OLA1: variants seen among roughly 807,000 people sequenced by gnomAD.
OLA1 encodes the protein Obg like ATPase 1.
OLA1 carries 14 observed loss-of-function variants against 48.4 expected under a neutral mutation model. The observed-to-expected ratio is 0.29, with a 90% CI of 0.19 to 0.45. OLA1 has a LOEUF of 0.45. Ranked by LOEUF, OLA1 falls within the 20% of genes least tolerant of loss-of-function variation. The probability of loss-of-function intolerance (pLI) is 1.00; values close to 1 mark genes in which losing one functional copy is unlikely to be tolerated. For missense variants in OLA1, 325 were observed against 467.1 expected (o/e 0.70, Z 2.80); for synonymous variants, 127 against 150.4 (o/e 0.84, Z 1.14).
chr2:174,082,057 T>G lies in OLA1; in HGVS notation c.736A>C (p.Lys246Gln). ...TACTTGTCCACCCACTCTTTAATTT[T>G]TATCAACCTGTAGACAAAAAAGGGC... ...YIRKKNKWLIKIKEWVDKYDP... is the reference protein window; with the variant it reads ...YIRKKNKWLIQIKEWVDKYDP... The change falls in exon 8 of 11, where the codon AAA becomes CAA. Residue 246 changes from lysine (K) to glutamine (Q), a missense_variant. Lys to Gln is a moderately conservative substitution (Grantham distance 53). Coordinates refer to ENST00000284719, the MANE Select transcript of OLA1 (RefSeq NM_013341.5). 1 of 1,613,236 alleles carries G rather than the reference T, an allele frequency of 6.2e-7. No individual in the cohort carries two copies. Among genetic ancestry groups the G allele is most frequent in the Non-Finnish European group, 8.5e-7 (1 of 1,179,270 alleles).
At chr2:174,220,746 T>A (rs1388621188) in intron 4 of OLA1, among the ~76,000 whole-genome samples, 17 of 152,158 alleles carry the variant, frequency 1.1e-4, no homozygotes, top group Admixed American at 1.1e-3. Flanking sequence ...CCAAGGGAAG[T>A]AAACAAGGTG....
chr2:174,193,543 G>A (rs777219518), intron 4 of OLA1, among the ~76,000 whole-genome samples: 13 of 152,070 alleles, frequency 8.5e-5, no homozygotes, highest in Non-Finnish European at 1.8e-4. Context: ...CCTAAAATGG[G>A]GCAAGACTTT....
intron 3 of OLA1, among the ~76,000 whole-genome samples, chr2:174,223,637 A>G (rs967535809): frequency 2.0e-5 from 3 of 152,126 alleles, no homozygotes; most frequent in African/African-American, 7.2e-5. Context: ...CTTTACAGAT[A>G]AGGAAATTAT....
At chr2:174,092,839 C>T (rs1685160147) in intron 7 of OLA1, among the ~76,000 whole-genome samples, 2 of 152,070 alleles carry the variant, frequency 1.3e-5, no homozygotes, top group Admixed American at 6.6e-5. Flanking sequence ...TATCTGATTG[C>T]TATAAGGCTA....
intron 4 of OLA1, among the ~76,000 whole-genome samples, chr2:174,159,804 T>C (rs1284063126): frequency 1.9e-5 from 2 of 105,788 alleles, no homozygotes; most frequent in Non-Finnish European, 3.8e-5. Context: ...TGACTAATGT[T>C]GGAACACCAG....
At chr2:174,118,096 G>A (rs1437180781) in intron 7 of OLA1, among the ~76,000 whole-genome samples, 1 of 152,102 alleles carries the variant, frequency 6.6e-6, no homozygotes. Context: ...AAAGGTGTAG[G>A]TGCTACACAC....
chr2:174,123,169 G>A lies in OLA1; in HGVS notation c.728+11C>T. ...GATGCATCTGGGTATATCTGGTGAG[G>A]AAAAACTTACCATTTGTTTTTCTTT... On this transcript the variant is annotated intron_variant, in intron 7 of 10. Transcript: ENST00000284719. The A allele has an allele frequency of 7.3e-7, 1 of 1,365,326 alleles. No homozygotes were observed. Among genetic ancestry groups the A allele is most frequent in the South Asian group, 1.2e-5 (1 of 83,986 alleles). The allele number at this position is 1,365,326 out of a possible 1,614,324, so 84.6% of individuals were successfully genotyped here. A position where few individuals can be genotyped will look rare whatever the true frequency, so the allele number is the denominator to read the frequency against.
In OLA1 at chr2:174,185,142, T is replaced by C. The variant is rs532875882; in HGVS notation, c.373+37891A>G. ...ATGGCTCTGCTCTTCACTAAGGCAC[T>C]GTCATCATCTGAATGGTCTGAGTAC... is the stretch of plus-strand genomic sequence containing the variant. On this transcript the variant is annotated intron_variant, in intron 4 of 10. Coordinates refer to ENST00000284719, the MANE Select transcript of OLA1 (RefSeq NM_013341.5). 2.0e-5 allele frequency among the ~76,000 whole-genome samples: 3 copies of C among 152,306 alleles called. No homozygotes were observed. The South Asian group carries it at 6.2e-4, about 32-fold the overall frequency.
intron 7 of OLA1, among the ~76,000 whole-genome samples, chr2:174,122,277 C>A (rs895936870): frequency 2.0e-5 from 3 of 152,124 alleles, no homozygotes; most frequent in African/African-American, 4.8e-5. Context: ...TTGGAGTTAA[C>A]CATCTGACAT....
intron 7 of OLA1, among the ~76,000 whole-genome samples, chr2:174,110,453 ATTT>A (rs1263029073): frequency 6.7e-6 from 1 of 149,350 alleles, no homozygotes; most frequent in Admixed American, 6.7e-5. Context: ...TGCCCGGCCA[ATTT>A]TTTTTTGAGA....
At chr2:174,198,482 T>C (rs1687926195) in intron 4 of OLA1, among the ~76,000 whole-genome samples, 1 of 151,976 alleles carries the variant, frequency 6.6e-6, no homozygotes. Context: ...GTCTTCAAGG[T>C]CAAAATATTA....
intron 4 of OLA1, among the ~76,000 whole-genome samples, chr2:174,144,983 A>AG (rs1558975360): frequency 2.3e-4 from 24 of 103,484 alleles, no homozygotes; most frequent in African/African-American, 8.2e-4. Context: ...TATATATATA[A>AG]TCACGGAATA....
At chr2:174,217,639 G>A (rs1407075243) in intron 4 of OLA1, among the ~76,000 whole-genome samples, 3 of 152,050 alleles carry the variant, frequency 2.0e-5, no homozygotes, top group Non-Finnish European at 4.4e-5. Flanking sequence ...ACAAGATTAT[G>A]AGCATATCCA....
rs563804521 is a variant in OLA1 at position 174,113,106 on chromosome 2, A to T, written c.728+10074T>A. On this transcript the variant is annotated intron_variant, in intron 7 of 10. Coordinates refer to ENST00000284719, the MANE Select transcript of OLA1 (RefSeq NM_013341.5). ...CAGGTGCCCGCCACCAAGCCCAGCT[A>T]ATTTTTTTGTATTTTTTAAGTAGAG... Among the ~76,000 whole-genome samples the T allele has an allele frequency of 7.9e-5, 12 of 152,152 alleles. No homozygotes were observed. In the South Asian group the frequency reaches 2.5e-3, roughly 32 times the overall value.
intron 7 of OLA1, among the ~76,000 whole-genome samples, chr2:174,121,709 A>G (rs1685918519): frequency 6.6e-6 from 1 of 152,212 alleles, no homozygotes; most frequent in African/African-American, 2.4e-5. Flanking sequence ...GGTCTCACAA[A>G]AAACATGGGG....
At chr2:174,205,403 G>A (rs1688089665) in intron 4 of OLA1, among the ~76,000 whole-genome samples, 1 of 152,116 alleles carries the variant, frequency 6.6e-6, no homozygotes, top group African/African-American at 2.4e-5. Context: ...GGAAGATAAA[G>A]AACACTATTC....
At chr2:174,183,725 T>C (rs191658312) in intron 4 of OLA1, among the ~76,000 whole-genome samples, 4 of 152,314 alleles carry the variant, frequency 2.6e-5, no homozygotes, top group Admixed American at 2.6e-4. Flanking sequence ...TCCTCATTTG[T>C]AAAATGTAGA....
At chr2:174,136,497 C>G (rs1356865771) in intron 5 of OLA1, among the ~76,000 whole-genome samples, 1 of 152,160 alleles carries the variant, frequency 6.6e-6, no homozygotes, top group African/African-American at 2.4e-5. Flanking sequence ...GCAGTTCCAT[C>G]ATGTCTTCAG....
intron 7 of OLA1, among the ~76,000 whole-genome samples, chr2:174,112,251 G>A (rs1447863519): frequency 6.6e-6 from 1 of 152,174 alleles, no homozygotes; most frequent in Non-Finnish European, 1.5e-5. Flanking sequence ...CAGATGAACT[G>A]CTTACAATTG....
Sources: gnomAD v4.1 joint callset for allele counts (sites outside exome capture counted in the v4.1 genomes callset) on GRCh38, gnomAD v4.1.1 for gene constraint, MANE v1.5 for transcripts, NCBI Gene and HGNC (gene_info 2026-07-23, HGNC 2026-07-21) for gene names.